PPFIA2: variants seen among roughly 807,000 people sequenced by gnomAD.
PPFIA2 encodes the protein liprin-alpha-2.
In PPFIA2, 46 loss-of-function variants were observed where a neutral mutation model predicts 175.5. The ratio of observed to expected loss-of-function variants is 0.26; its 90% CI spans 0.21 to 0.34. The LOEUF (loss-of-function observed/expected upper bound fraction) is 0.34, where lower values mean the gene tolerates loss of function less well. Among genes scored for constraint, PPFIA2 ranks in the 10% least tolerant of loss-of-function variants. The pLI, the probability that PPFIA2 is intolerant of heterozygous loss-of-function variation, is 1.00. For synonymous variants in PPFIA2, 568 were observed against 511.4 expected, an observed-to-expected ratio of 1.11 and a Z score of -1.49; for missense variants, 1,179 against 1,506.1, an observed-to-expected ratio of 0.78 and a Z score of 3.60.
intron 24 of PPFIA2, among the ~76,000 whole-genome samples, chr12:81,288,773 T>A (rs1404331322): frequency 1.3e-5 from 2 of 151,786 alleles, no homozygotes; most frequent in Non-Finnish European, 3.0e-5. Flanking sequence ...CTTATCTGAA[T>A]TTTTGTCTCT....
chr12:81,286,295 T>A (rs1485658366), intron 24 of PPFIA2, among the ~76,000 whole-genome samples: 1 of 152,122 alleles, frequency 6.6e-6, no homozygotes, highest in Non-Finnish European at 1.5e-5. Context: ...AAGGTTTTTT[T>A]ATGAATTGTG....
intron 4 of PPFIA2, among the ~76,000 whole-genome samples, chr12:81,634,486 G>C (rs2063762069): frequency 6.6e-6 from 1 of 152,012 alleles, no homozygotes; most frequent in Admixed American, 6.5e-5. Flanking sequence ...ATACTGCAGA[G>C]TTGGAAAATC....
chr12:81,265,013 C>T (rs2036776009), intron 30 of PPFIA2, among the ~76,000 whole-genome samples: 1 of 152,056 alleles, frequency 6.6e-6, no homozygotes, highest in South Asian at 2.1e-4. Flanking sequence ...CCAGTTTTGG[C>T]TGGGCGTGGT....
chr12:81,350,358 A>G (rs144361505), intron 17 of PPFIA2: 5 of 152,324 alleles, frequency 3.3e-5, no homozygotes, highest in African/African-American at 1.2e-4. Flanking sequence ...AATAAAGGTG[A>G]GCAAAGCCAG....
intron 3 of PPFIA2, among the ~76,000 whole-genome samples, chr12:81,715,456 A>C (rs575387365): frequency 6.6e-6 from 1 of 151,720 alleles, no homozygotes; most frequent in Non-Finnish European, 1.5e-5. Context: ...ACATTTTCTC[A>C]GATGATATCA....
intron 28 of PPFIA2, among the ~76,000 whole-genome samples, chr12:81,272,550 A>G (rs2039426006): frequency 6.6e-6 from 1 of 152,180 alleles, no homozygotes; most frequent in African/African-American, 2.4e-5. Context: ...GATTCCAACT[A>G]TATTAAATTC....
intron 4 of PPFIA2, among the ~76,000 whole-genome samples, chr12:81,510,496 T>A (rs1200137252): frequency 6.6e-6 from 1 of 152,196 alleles, no homozygotes; most frequent in Non-Finnish European, 1.5e-5. Context: ...TACTTAGGTA[T>A]GAGACACTAT....
Position 81,457,887 on chromosome 12 carries a change from T to C in PPFIA2, c.304-21A>G, listed in dbSNP as rs745705994. On this transcript the variant is annotated intron_variant, in intron 4 of 32. Transcript: ENST00000549396. ...AATTCCTGGAAAAGTAATAAAAATA[T>C]TTGAAGAAATATTCAAGATCTAAAA... 11 of 1,471,712 alleles carry C rather than the reference T, an allele frequency of 7.5e-6. No homozygotes were observed. The South Asian group carries it at 1.4e-4, about 18-fold the overall frequency. The allele number at this position is 1,471,712 out of a possible 1,614,324, so 91.2% of individuals were successfully genotyped here. A position where few individuals can be genotyped will look rare whatever the true frequency, so the allele number is the denominator to read the frequency against.
intron 8 of PPFIA2, among the ~76,000 whole-genome samples, chr12:81,385,912 T>C (rs940329803): frequency 6.6e-6 from 1 of 152,082 alleles, no homozygotes; most frequent in African/African-American, 2.4e-5. Context: ...ATTGAATCAT[T>C]CCACATTGTA....
chr12:81,262,086 A>G lies in PPFIA2; in HGVS notation c.3716-46T>C, dbSNP rs371092727. 6 of 1,248,914 alleles carry G rather than the reference A, an allele frequency of 4.8e-6. No individual in the cohort carries two copies. The African/African-American group carries it at 5.9e-5, about 12-fold the overall frequency. The allele number at this position is 1,248,914 out of a possible 1,614,324, so 77.4% of individuals were successfully genotyped here. A position where few individuals can be genotyped will look rare whatever the true frequency, so the allele number is the denominator to read the frequency against. On this transcript the variant is annotated intron_variant, in intron 31 of 32. Coordinates refer to ENST00000549396, the MANE Select transcript of PPFIA2 (RefSeq NM_003625.5). ...TTTAGAGGGACTTGGATGATTGAGTACAAGATTTCAGATGAGAAAGATTTA... is the reference window on the plus strand; with the variant it reads ...TTTAGAGGGACTTGGATGATTGAGTGCAAGATTTCAGATGAGAAAGATTTA...
intron 4 of PPFIA2, chr12:81,675,678 A>G (rs2072367893): frequency 6.6e-6 from 1 of 152,054 alleles, no homozygotes; most frequent in Non-Finnish European, 1.5e-5. Flanking sequence ...GGGTAAAATT[A>G]CATCACATAA....
At chr12:81,618,077 T>G (rs2061590978) in intron 4 of PPFIA2, among the ~76,000 whole-genome samples, 1 of 152,170 alleles carries the variant, frequency 6.6e-6, no homozygotes, top group South Asian at 2.1e-4. Flanking sequence ...TTCTCTCCAG[T>G]CCACCCAATG....
chr12:81,298,692 A>C (rs1882183), intron 23 of PPFIA2, among the ~76,000 whole-genome samples: 138,840 of 152,230 alleles, frequency 0.91, 63,979 homozygotes, highest in South Asian at 0.98. Context: ...TGCCTCCTAC[A>C]CTGTTCAGAT....
intron 3 of PPFIA2, among the ~76,000 whole-genome samples, chr12:81,696,380 T>G (rs1019411482): frequency 6.6e-6 from 1 of 152,172 alleles, no homozygotes; most frequent in South Asian, 2.1e-4. Context: ...CTGCAGGCTC[T>G]TAACTCTCAT....
intron 9 of PPFIA2, among the ~76,000 whole-genome samples, chr12:81,383,142 A>G (rs534658469): frequency 1.7e-4 from 26 of 152,314 alleles, no homozygotes; most frequent in Admixed American, 1.0e-3. Context: ...TCAGGGAAAA[A>G]GTAAGATACA....
At chr12:81,666,342 C>G (rs1334924671) in intron 4 of PPFIA2, among the ~76,000 whole-genome samples, 1 of 152,160 alleles carries the variant, frequency 6.6e-6, no homozygotes, top group Non-Finnish European at 1.5e-5. Flanking sequence ...TTCACAATAG[C>G]AAAGACTTGG....
chr12:81,545,917 A>C (rs1293856728), intron 4 of PPFIA2: 1 of 151,886 alleles, frequency 6.6e-6, no homozygotes, highest in African/African-American at 2.4e-5. Context: ...CTTAGGTCAG[A>C]AGTTCGAGAC....
At chr12:81,527,935 A>G (rs1456809517) in intron 4 of PPFIA2, among the ~76,000 whole-genome samples, 1 of 152,116 alleles carries the variant, frequency 6.6e-6, no homozygotes, top group Non-Finnish European at 1.5e-5. Context: ...CCTAGCTTCC[A>G]GAATTGTGAG....
intron 6 of PPFIA2, among the ~76,000 whole-genome samples, chr12:81,442,376 A>G (rs1321276639): frequency 1.3e-5 from 2 of 152,066 alleles, no homozygotes; most frequent in African/African-American, 4.8e-5. Flanking sequence ...CTCCTACAAC[A>G]GAAAATATTC....
Sources: gnomAD v4.1 joint callset for allele counts (sites outside exome capture counted in the v4.1 genomes callset) on GRCh38, gnomAD v4.1.1 for gene constraint, MANE v1.5 for transcripts, NCBI Gene and HGNC (gene_info 2026-07-23, HGNC 2026-07-21) for gene names.